The following SLC24A3 variants were observed in gnomAD, a reference collection of about 807,000 sequenced individuals.
SLC24A3 encodes the protein solute carrier family 24 member 3.
In SLC24A3, 28 loss-of-function variants were observed where a neutral mutation model predicts 75.8. The observed-to-expected ratio is 0.37, with a 90% CI of 0.27 to 0.51. The LOEUF is 0.51. SLC24A3 is among the 20% of genes least tolerant of loss of function. The probability of loss-of-function intolerance (pLI) is 0.94; values close to 1 mark genes in which losing one functional copy is unlikely to be tolerated. For missense variants in SLC24A3, 663 were observed against 847.8 expected (o/e 0.78, Z 2.71); for synonymous variants, 372 against 334.1 (o/e 1.11, Z -1.24).
At chr20:19,465,136 G>A (rs1987742431) in intron 2 of SLC24A3, among the ~76,000 whole-genome samples, 2 of 152,212 alleles carry the variant, frequency 1.3e-5, no homozygotes, top group South Asian at 2.1e-4. Context: ...ACAGACCACA[G>A]GCAGAGAGCA....
intron 2 of SLC24A3, among the ~76,000 whole-genome samples, chr20:19,322,719 T>C (rs1984742115): frequency 6.6e-6 from 1 of 152,162 alleles, no homozygotes; most frequent in African/African-American, 2.4e-5. Context: ...ACACAGGAGA[T>C]GCAATTTGCA....
intron 2 of SLC24A3, among the ~76,000 whole-genome samples, chr20:19,492,321 C>T (rs879935633): frequency 9.9e-5 from 15 of 152,214 alleles, no homozygotes; most frequent in Middle Eastern, 3.2e-3. Flanking sequence ...ACTTATGAGT[C>T]ATGTGGCCTT....
intron 2 of SLC24A3, among the ~76,000 whole-genome samples, chr20:19,326,354 G>A (rs1406239505): frequency 6.6e-6 from 1 of 152,050 alleles, no homozygotes; most frequent in Non-Finnish European, 1.5e-5. Context: ...GGGACTTGAT[G>A]GGGACTATGG....
chr20:19,602,981 CATG>C (rs1347441813), intron 6 of SLC24A3, among the ~76,000 whole-genome samples: 1 of 152,184 alleles, frequency 6.6e-6, no homozygotes, highest in Admixed American at 6.5e-5. Flanking sequence ...AAGAGCCTGG[CATG>C]TTCACGGTGC....
chr20:19,655,316 C>G (rs1173270582), intron 7 of SLC24A3, among the ~76,000 whole-genome samples: 1 of 152,176 alleles, frequency 6.6e-6, no homozygotes, highest in Non-Finnish European at 1.5e-5. Context: ...ATGCTTCTAT[C>G]CCTTGTTCAA....
chr20:19,388,485 G>A (rs1242534444), intron 2 of SLC24A3, among the ~76,000 whole-genome samples: 1 of 152,192 alleles, frequency 6.6e-6, no homozygotes, highest in Non-Finnish European at 1.5e-5. Context: ...GCCAAGGCAG[G>A]TGGATCACCG....
intron 6 of SLC24A3, among the ~76,000 whole-genome samples, chr20:19,629,487 T>C (rs889293352): frequency 1.3e-5 from 2 of 152,128 alleles, no homozygotes; most frequent in African/African-American, 4.8e-5. Flanking sequence ...GAGAGCCTAT[T>C]TGAAGAAATA....
intron 6 of SLC24A3, among the ~76,000 whole-genome samples, chr20:19,650,313 G>C (rs758955298): frequency 5.3e-5 from 8 of 152,188 alleles, no homozygotes; most frequent in Non-Finnish European, 8.8e-5. Flanking sequence ...TCTAGACCTA[G>C]TGCAAGATGC....
intron 2 of SLC24A3, among the ~76,000 whole-genome samples, chr20:19,494,212 C>G (rs1392747066): frequency 6.6e-6 from 1 of 152,192 alleles, no homozygotes; most frequent in Non-Finnish European, 1.5e-5. Context: ...TAGTCCATAC[C>G]CACCCAAATA....
intron 2 of SLC24A3, among the ~76,000 whole-genome samples, chr20:19,349,426 G>A (rs1048348302): frequency 2.0e-5 from 3 of 152,148 alleles, no homozygotes; most frequent in Non-Finnish European, 4.4e-5. Context: ...GCCTCCCATT[G>A]CCTGAACCTG....
Position 19,717,541 on chromosome 20 carries a change from G to A in SLC24A3, c.1733G>A (p.Ser578Asn). The change falls in exon 16 of 17, where the codon AGC becomes AAC. Residue 578 changes from serine to asparagine, a missense_variant. Around this residue, in one of 2 missense-constraint regions of SLC24A3, gnomAD observed 510 missense variants for 703.6 expected, o/e 0.72. Coordinates refer to ENST00000328041, the MANE Select transcript of SLC24A3 (RefSeq NM_020689.4). The part of the protein sequence containing the change: ...VDYGSYIRLN[S>N]RGLIYSVGLL... Reference sequence around the variant, plus strand: ...CCTCTCTTACAGATCCGGCTGAATAGCAGGGGGCTGATCTACTCCGTAGGC... The same window carrying A: ...CCTCTCTTACAGATCCGGCTGAATAACAGGGGGCTGATCTACTCCGTAGGC... 1 of 1,614,116 alleles carries A rather than the reference G, an allele frequency of 6.2e-7. No homozygotes were observed. Among genetic ancestry groups the A allele is most frequent in the Non-Finnish European group, 8.5e-7 (1 of 1,179,960 alleles).
intron 1 of SLC24A3, among the ~76,000 whole-genome samples, chr20:19,279,076 CCTT>C (rs779811099): frequency 1.3e-5 from 2 of 152,232 alleles, no homozygotes; most frequent in Non-Finnish European, 2.9e-5. Flanking sequence ...TCCACACTCT[CCTT>C]CTTTCTTGAG....
chr20:19,463,368 C>T (rs1249470863), intron 2 of SLC24A3, among the ~76,000 whole-genome samples: 2 of 152,172 alleles, frequency 1.3e-5, no homozygotes, highest in African/African-American at 4.8e-5. Context: ...TCTCTCGATC[C>T]GTTAACATTT....
At chr20:19,562,362 C>A in intron 3 of SLC24A3, among the ~76,000 whole-genome samples, 1 of 152,108 alleles carries the variant, frequency 6.6e-6, no homozygotes, top group East Asian at 1.9e-4. Context: ...ACTGGGTGAA[C>A]AGATTGCAAG....
chr20:19,540,850 C>T (rs1013688943), intron 3 of SLC24A3, among the ~76,000 whole-genome samples: 3 of 152,226 alleles, frequency 2.0e-5, no homozygotes, highest in East Asian at 3.9e-4. Context: ...CATTACATCA[C>T]CAAAGATCTA....
intron 2 of SLC24A3, among the ~76,000 whole-genome samples, chr20:19,334,990 G>C (rs961785428): frequency 2.0e-5 from 3 of 152,126 alleles, no homozygotes; most frequent in African/African-American, 7.2e-5. Flanking sequence ...TGCAGCACCT[G>C]GTACTTTAGT....
intron 3 of SLC24A3, among the ~76,000 whole-genome samples, chr20:19,552,286 A>G (rs6081645): frequency 0.68 from 103,153 of 152,030 alleles, 36,466 homozygotes; most frequent in Non-Finnish European, 0.77. Context: ...CCACATTCCC[A>G]AATCACCAAG....
intron 6 of SLC24A3, among the ~76,000 whole-genome samples, chr20:19,626,365 T>C (rs2031866188): frequency 6.6e-6 from 1 of 152,226 alleles, no homozygotes; most frequent in Non-Finnish European, 1.5e-5. Context: ...TTTTTCCTGA[T>C]GATGAAACTG....
intron 2 of SLC24A3, among the ~76,000 whole-genome samples, chr20:19,325,791 TATATAG>T (rs1568589864): frequency 5.0e-4 from 45 of 89,434 alleles, no homozygotes; most frequent in Admixed American, 1.5e-3. Flanking sequence ...TATATATATA[TATATAG>T]AGAGAGAGAG....
Sources: gnomAD v4.1 joint callset for allele counts (sites outside exome capture counted in the v4.1 genomes callset) on GRCh38, gnomAD v4.1.1 for gene constraint, gnomAD v4.1.1 regional missense constraint, MANE v1.5 for transcripts, NCBI Gene and HGNC (gene_info 2026-07-23, HGNC 2026-07-21) for gene names.